INSL6: variants seen among roughly 807,000 people sequenced by gnomAD.
The protein encoded by INSL6 is insulin like 6, also known as insulin-like peptide INSL6.
Under a neutral mutation model 9.4 loss-of-function variants are expected in INSL6, and 16 were observed. The observed-to-expected ratio is 1.70, with a 90% CI of 1.15 to 2.59. INSL6 has a LOEUF of 2.59. INSL6 is among the 30% of genes most tolerant of loss of function. The probability of loss-of-function intolerance (pLI) is 0.00; values close to 1 mark genes in which losing one functional copy is unlikely to be tolerated. For missense variants in INSL6, 391 were observed against 257.3 expected (o/e 1.52, Z -3.56); for synonymous variants, 154 against 96.9 (o/e 1.59, Z -3.46).
chr9:5,114,915 A>C, the INSL6 span: 1 of 186,930 alleles, frequency 5.3e-6, no homozygotes, highest in African/African-American at 2.4e-5. Context: ...CACCCCCAAT[A>C]AACAGTGCCT....
the INSL6 span, chr9:5,114,548 C>G: frequency 2.1e-6 from 1 of 480,364 alleles, no homozygotes; most frequent in Non-Finnish European, 4.1e-6. Flanking sequence ...ACAAGCGCAC[C>G]CTCACCTGCC....
At chr9:5,106,102 C>T in the INSL6 span, among the ~76,000 whole-genome samples, 176 of 152,292 alleles carry the variant, frequency 1.2e-3, no homozygotes, top group African/African-American at 4.1e-3. Flanking sequence ...GCAAAACAAA[C>T]TACCATTAGA....
chr9:5,052,621 C>G, the INSL6 span, among the ~76,000 whole-genome samples: 2 of 151,930 alleles, frequency 1.3e-5, no homozygotes, highest in Admixed American at 1.3e-4. Context: ...TGAAAGAAAC[C>G]CCATGCCCAT....
chr9:5,042,757 G>A, the INSL6 span, among the ~76,000 whole-genome samples: 36,025 of 152,148 alleles, frequency 0.24, 4,656 homozygotes, highest in South Asian at 0.31. Flanking sequence ...TGCTGCCAGG[G>A]GTGAGGCTGT....
chr9:5,179,032 G>T (rs1334558480), intron 1 of INSL6, among the ~76,000 whole-genome samples: 1 of 140,562 alleles, frequency 7.1e-6, no homozygotes, highest in Non-Finnish European at 1.5e-5. Context: ...AAACTAAAGG[G>T]CTTCTGCACA....
At chr9:5,129,384 A>G (rs1824200377) in intron 3 of INSL6, among the ~76,000 whole-genome samples, 1 of 152,118 alleles carries the variant, frequency 6.6e-6, no homozygotes, top group African/African-American at 2.4e-5. Flanking sequence ...AGTTTTTAAG[A>G]AATGCTTCCT....
chr9:5,013,648 A>G, the INSL6 span, among the ~76,000 whole-genome samples: 1 of 152,120 alleles, frequency 6.6e-6, no homozygotes, highest in African/African-American at 2.4e-5. Context: ...GTTTTTCATT[A>G]CTTGTCAAAA....
At chr9:5,068,956 T>A in the INSL6 span, 1 of 880,872 alleles carries the variant, frequency 1.1e-6, no homozygotes, top group Non-Finnish European at 1.7e-6. Context: ...TATCATTTTG[T>A]CAGAATAATC....
At chr9:5,089,576 T>G in the INSL6 span, 1 of 234,894 alleles carries the variant, frequency 4.3e-6, no homozygotes, top group Non-Finnish European at 8.3e-6. Context: ...GACAGTCTGC[T>G]AATTCCAGCT....
chr9:5,166,224 GT>G (rs773985854), intron 1 of INSL6, among the ~76,000 whole-genome samples: 4 of 151,980 alleles, frequency 2.6e-5, no homozygotes, highest in Admixed American at 6.6e-5. Context: ...TTTTTGTTTT[GT>G]TTTTTTAAGA....
chr9:5,164,308 T>C, intron 1 of INSL6, 43 bp from the exon 2 acceptor site: 1 of 1,276,308 alleles, frequency 7.8e-7, no homozygotes, highest in South Asian at 1.3e-5. Context: ...ATTAAAATCT[T>C]CCTTTAGATG....
chr9:5,019,001 A>G, the INSL6 span, among the ~76,000 whole-genome samples: 1 of 152,104 alleles, frequency 6.6e-6, no homozygotes, highest in Non-Finnish European at 1.5e-5. Flanking sequence ...GTCTTTGACA[A>G]ACTGTTGACA....
At chr9:5,145,308 G>A (rs957054030) in intron 2 of INSL6, among the ~76,000 whole-genome samples, 1 of 152,056 alleles carries the variant, frequency 6.6e-6, no homozygotes, top group Non-Finnish European at 1.5e-5. Flanking sequence ...GGCTTGGAGG[G>A]TTTCCACTGA....
the INSL6 span, among the ~76,000 whole-genome samples, chr9:5,038,126 TTTC>T: frequency 6.6e-6 from 1 of 152,314 alleles, no homozygotes; most frequent in Non-Finnish European, 1.5e-5. Flanking sequence ...TTGTTAAATA[TTTC>T]TTCATGTACA....
At chr9:5,105,296 A>ACTC in the INSL6 span, among the ~76,000 whole-genome samples, 18 of 152,338 alleles carry the variant, frequency 1.2e-4, 1 homozygote, top group African/African-American at 4.1e-4. Context: ...TCATGAGTGA[A>ACTC]CTATTCACAA....
rs1203086670 is a variant in INSL6, at chr9:5,138,729, A to AC, written c.377-5138_377-5137insG. ...CATGTACCCCAGAACTTAAACTATA[A>AC]TAAAAAAAAATAATAAAAGTACTGA... is the stretch of plus-strand genomic sequence containing the variant. On this transcript the variant is annotated intron_variant, in intron 2 of 3. Coordinates refer to the INSL6 transcript ENST00000649639. Among the ~76,000 whole-genome samples the AC allele has an allele frequency of 3.2e-4, 12 of 37,120 alleles. 1 individual carries two copies. 24.4% of individuals were successfully genotyped at this position (37,120 alleles called of 152,430 possible).
the INSL6 span, among the ~76,000 whole-genome samples, chr9:5,015,227 A>G: frequency 6.6e-6 from 1 of 152,188 alleles, no homozygotes; most frequent in Non-Finnish European, 1.5e-5. Context: ...CTGAGGCGCA[A>G]TGAATATTCT....
chr9:5,166,335 T>C (rs762638638), intron 1 of INSL6, among the ~76,000 whole-genome samples: 4 of 152,216 alleles, frequency 2.6e-5, no homozygotes, highest in Non-Finnish European at 4.4e-5. Context: ...CTTGAGGTTA[T>C]TTAGGTGAAT....
At chr9:5,031,078 G>T in the INSL6 span, among the ~76,000 whole-genome samples, 3 of 152,006 alleles carry the variant, frequency 2.0e-5, no homozygotes, top group Non-Finnish European at 2.9e-5. Context: ...GTTATTTGAA[G>T]AATATGAAGA....
Sources: gnomAD v4.1 joint callset for allele counts (sites outside exome capture counted in the v4.1 genomes callset) on GRCh38, gnomAD v4.1.1 for gene constraint, MANE v1.5 for transcripts, NCBI Gene and HGNC (gene_info 2026-07-23, HGNC 2026-07-21) for gene names.